Variants in RIPOR2 observed in about 807,000 individuals in gnomAD.
RIPOR2 encodes RHO family interacting cell polarization regulator 2.
A neutral mutation model predicts 114.5 loss-of-function variants in RIPOR2; 39 were observed. The observed-to-expected ratio is 0.34, with a 90% CI of 0.26 to 0.44. The LOEUF is 0.44. Ranked by LOEUF, RIPOR2 falls within the 20% of genes least tolerant of loss-of-function variation. The pLI is 1.00. For synonymous variants in RIPOR2, 445 were observed against 484.4 expected (o/e 0.92, Z 1.07); for missense variants, 1,007 against 1,255.1 (o/e 0.80, Z 2.99).
intron 1 of RIPOR2, among the ~76,000 whole-genome samples, chr6:25,041,641 C>T (rs776204608): frequency 3.3e-5 from 5 of 152,118 alleles, no homozygotes; most frequent in Non-Finnish European, 7.3e-5. Flanking sequence ...CTAGTTACCT[C>T]TAATTAGGAT....
At chr6:24,877,757 G>C (rs1765941181) in intron 1 of RIPOR2, among the ~76,000 whole-genome samples, 1 of 152,144 alleles carries the variant, frequency 6.6e-6, no homozygotes, top group Non-Finnish European at 1.5e-5. Context: ...GACAGGGGAG[G>C]GGCAGGAGTT....
chr6:25,030,916 C>T (rs540722046), intron 1 of RIPOR2: 5 of 151,820 alleles, frequency 3.3e-5, no homozygotes, highest in Admixed American at 2.6e-4. Flanking sequence ...AGACTGGTCT[C>T]GAACTCCTGA....
intron 1 of RIPOR2, among the ~76,000 whole-genome samples, chr6:25,039,330 T>G (rs1015294564): frequency 3.9e-5 from 6 of 152,236 alleles, no homozygotes; most frequent in African/African-American, 1.4e-4. Flanking sequence ...ACAGGTCTTT[T>G]GTGAGTTGGA....
chr6:25,041,670 G>A (rs2113785236), intron 1 of RIPOR2, among the ~76,000 whole-genome samples: 1 of 152,312 alleles, frequency 6.6e-6, no homozygotes, highest in South Asian at 2.1e-4. Context: ...GAAGGAAATA[G>A]GAAGAGAGAG....
chr6:24,997,885 C>T (rs1046813020), intron 1 of RIPOR2, among the ~76,000 whole-genome samples: 2 of 152,148 alleles, frequency 1.3e-5, no homozygotes, highest in Admixed American at 1.3e-4. Flanking sequence ...TCAGTCCCCA[C>T]TCCAGACCTA....
At position 25,013,462 on chromosome 6, in the gene RIPOR2, G is replaced by C. The variant is rs189143124; in HGVS notation, c.76+28389C>G. ...GGGCAGCACCTACTCTGCCTGAAGG[G>C]GGAGCACCTGCTTTGCCTGAAGGGG... On this transcript the variant is annotated intron_variant, in intron 1 of 13. Coordinates refer to the RIPOR2 transcript ENST00000510784. 1.9e-4 allele frequency among the ~76,000 whole-genome samples: 29 copies of C among 152,304 alleles called. No individual in the cohort carries two copies. In the East Asian group the frequency reaches 5.4e-3, roughly 28 times the overall value.
chr6:24,853,236 A>G (rs1476476462), intron 8 of RIPOR2, among the ~76,000 whole-genome samples: 2 of 152,228 alleles, frequency 1.3e-5, no homozygotes, highest in Admixed American at 6.5e-5. Context: ...TACACCCCCA[A>G]AAGAAAGACG....
chr6:24,843,857 G>T (rs951218408), intron 12 of RIPOR2, among the ~76,000 whole-genome samples: 5 of 151,966 alleles, frequency 3.3e-5, no homozygotes, highest in African/African-American at 1.2e-4. Flanking sequence ...GGTTGCATGG[G>T]GGGAGGGGGC....
chr6:24,996,325 T>G (rs904195950), intron 1 of RIPOR2, among the ~76,000 whole-genome samples: 1 of 152,196 alleles, frequency 6.6e-6, no homozygotes, highest in Non-Finnish European at 1.5e-5. Flanking sequence ...GACAGCCTGC[T>G]GTTATTTGAT....
chr6:24,879,719 T>C (rs572233285), intron 1 of RIPOR2, among the ~76,000 whole-genome samples: 1 of 152,332 alleles, frequency 6.6e-6, no homozygotes, highest in African/African-American at 2.4e-5. Context: ...AGTTCTTCGC[T>C]ACTATTCTTC....
rs1288317499 is a variant in RIPOR2 at position 25,031,698 on chromosome 6, GTTATATATATATAT to G, written c.76+10139_76+10152del. Among the ~76,000 whole-genome samples the G allele has an allele frequency of 7.5e-3, 358 of 47,994 alleles. 2 individuals carry two copies. Among genetic ancestry groups the G allele is most frequent in the East Asian group, 0.018 (30 of 1,632 alleles). 31.5% of individuals were successfully genotyped at this position (47,994 alleles called of 152,430 possible). A position where few individuals can be genotyped will look rare whatever the true frequency, so the allele number is the denominator to read the frequency against. On this transcript the variant is annotated intron_variant, in intron 1 of 13. Transcript: ENST00000510784. ...GGTTAGGTATGTGATGTAGGTGGTA[GTTATATATATATAT>G]ATATATATATATATATATATATATA...
intron 1 of RIPOR2, among the ~76,000 whole-genome samples, chr6:24,994,814 A>G (rs1211781726): frequency 1.3e-5 from 2 of 152,164 alleles, no homozygotes; most frequent in Non-Finnish European, 2.9e-5. Flanking sequence ...CACTTGCCCC[A>G]TCTCTACTTG....
At chr6:24,913,897 T>C (rs1769863605) in intron 1 of RIPOR2, among the ~76,000 whole-genome samples, 1 of 152,164 alleles carries the variant, frequency 6.6e-6, no homozygotes, top group Non-Finnish European at 1.5e-5. Context: ...TGACAGGCAT[T>C]GGGGGTGGGT....
intron 9 of RIPOR2, among the ~76,000 whole-genome samples, chr6:24,851,879 A>G (rs570979122): frequency 7.9e-5 from 12 of 152,302 alleles, no homozygotes; most frequent in African/African-American, 2.4e-4. Context: ...AGGGCTTAGT[A>G]ATGCCTATGT....
At position 24,970,451 on chromosome 6, in the gene RIPOR2, G is replaced by A. The variant is rs185082124; in HGVS notation, c.76+71400C>T. Among the ~76,000 whole-genome samples, 3 of 152,208 alleles carry A rather than the reference G, an allele frequency of 2.0e-5. No homozygotes were observed. In the East Asian group the frequency reaches 5.8e-4, roughly 29 times the overall value. On this transcript the variant is annotated intron_variant, in intron 1 of 13. Transcript: ENST00000510784. The stretch of plus-strand genomic sequence containing the variant: ...CAAAGCAAGAGCAAGAACAGGGGAG[G>A]GTGGATAGCTAAGGGACTTTTCAAA...
chr6:25,011,853 T>C (rs1372085329), intron 1 of RIPOR2, among the ~76,000 whole-genome samples: 1 of 152,174 alleles, frequency 6.6e-6, no homozygotes, highest in East Asian at 1.9e-4. Context: ...AGTAAAAGCG[T>C]AAGTGACAAA....
chr6:24,906,066 G>A (rs1048215691), intron 1 of RIPOR2, among the ~76,000 whole-genome samples: 22 of 152,106 alleles, frequency 1.4e-4, no homozygotes, highest in African/African-American at 3.9e-4. Context: ...GTTGGTTTTC[G>A]GTATGGTCAT....
At chr6:25,006,948 T>C (rs1775582916) in intron 1 of RIPOR2, among the ~76,000 whole-genome samples, 1 of 152,220 alleles carries the variant, frequency 6.6e-6, no homozygotes, top group South Asian at 2.1e-4. Context: ...GCTGGGACCC[T>C]GTGGCTCTGG....
intron 18 of RIPOR2, among the ~76,000 whole-genome samples, chr6:24,826,944 A>G (rs9467325): frequency 0.17 from 26,256 of 151,906 alleles, 2,346 homozygotes; most frequent in East Asian, 0.19. Context: ...TTATAATGAA[A>G]GAAAAAAGAC....
Sources: allele counts gnomAD v4.1 joint callset (sites outside exome capture counted in the v4.1 genomes callset), GRCh38; gene constraint gnomAD v4.1.1; transcripts MANE v1.5; gene names NCBI Gene and HGNC (gene_info 2026-07-23, HGNC 2026-07-21).